Variants in SNX6 observed in about 807,000 individuals in gnomAD.
SNX6 encodes sorting nexin 6, also known as sorting nexin-6.
In SNX6, 34 loss-of-function variants were observed where a neutral mutation model predicts 63.0. The ratio of observed to expected loss-of-function variants is 0.54; its 90% CI spans 0.41 to 0.72. The LOEUF (loss-of-function observed/expected upper bound fraction) is 0.72. SNX6 is among the 30% of genes least tolerant of loss of function. The probability of loss-of-function intolerance (pLI) is 0.00; values close to 1 mark genes in which losing one functional copy is unlikely to be tolerated. For missense variants in SNX6, 398 were observed against 471.4 expected (o/e 0.84, Z 1.44); for synonymous variants, 170 against 164.2 (o/e 1.04, Z -0.27).
intron 5 of SNX6, chr14:34,604,214 T>G (rs1239614668): frequency 7.8e-7 from 1 of 1,288,844 alleles, no homozygotes; most frequent in Non-Finnish European, 1.0e-6. Flanking sequence ...AAAAGAAGGA[T>G]GCAGAGGATG....
chr14:34,584,472 G>A (rs1453576615), intron 9 of SNX6, among the ~76,000 whole-genome samples: 1 of 149,246 alleles, frequency 6.7e-6, no homozygotes, highest in East Asian at 2.1e-4. Context: ...TAATTTTTGT[G>A]TTTTTAGAGA....
At chr14:34,581,475 A>G in intron 10 of SNX6, 86 bp downstream of exon 10, 5 of 791,566 alleles carry the variant, frequency 6.3e-6, no homozygotes, top group Non-Finnish European at 1.0e-5. Flanking sequence ...TTTTAAAAAA[A>G]TTTTCTGAAT....
chr14:34,607,492 C>T (rs71419997), intron 4 of SNX6, among the ~76,000 whole-genome samples: 14 of 151,672 alleles, frequency 9.2e-5, no homozygotes, highest in Non-Finnish European at 2.1e-4. Flanking sequence ...TGCCTGTAAT[C>T]CCAGCGACTC....
At chr14:34,608,793 C>T (rs144963288) in intron 3 of SNX6, among the ~76,000 whole-genome samples, 83 of 149,254 alleles carry the variant, frequency 5.6e-4, no homozygotes, top group East Asian at 1.5e-3. Flanking sequence ...TTTGGAAGGC[C>T]GAGGTGGGTT....
intron 10 of SNX6, among the ~76,000 whole-genome samples, chr14:34,577,382 C>T (rs1479993499): frequency 6.6e-6 from 1 of 152,122 alleles, no homozygotes; most frequent in African/African-American, 2.4e-5. Context: ...AGCCGCTGTG[C>T]CCAGCCTCTA....
At chr14:34,595,374 T>C (rs1444394476) in intron 7 of SNX6, among the ~76,000 whole-genome samples, 1 of 152,112 alleles carries the variant, frequency 6.6e-6, no homozygotes, top group Non-Finnish European at 1.5e-5. Context: ...TGACCTCAGG[T>C]GATCTGCCTG....
chr14:34,624,046 A>G (rs1809380233), intron 2 of SNX6, among the ~76,000 whole-genome samples: 1 of 152,180 alleles, frequency 6.6e-6, no homozygotes, highest in African/African-American at 2.4e-5. Flanking sequence ...AATGTGGCCA[A>G]TATTTTTCAA....
chr14:34,566,686 T>C (rs1434797574), intron 13 of SNX6, among the ~76,000 whole-genome samples: 1 of 152,186 alleles, frequency 6.6e-6, no homozygotes, highest in African/African-American at 2.4e-5. Flanking sequence ...ATTCTAAGAT[T>C]CTCTATTCTT....
intron 2 of SNX6, among the ~76,000 whole-genome samples, chr14:34,615,608 C>T (rs10431614): frequency 0.64 from 96,652 of 152,124 alleles, 31,121 homozygotes; most frequent in East Asian, 0.91. Flanking sequence ...CATTTGTCTT[C>T]TCCTTTTCTT....
At chr14:34,583,368 T>A (rs1882019939) in intron 9 of SNX6, among the ~76,000 whole-genome samples, 3 of 152,110 alleles carry the variant, frequency 2.0e-5, no homozygotes, top group Admixed American at 2.0e-4. Flanking sequence ...GTATCAGCAT[T>A]TGACAGATAA....
chr14:34,575,899 G>A, intron 10 of SNX6, 57 bp from the exon 11 acceptor site: 1 of 999,810 alleles, frequency 1.0e-6, no homozygotes, highest in Non-Finnish European at 1.5e-6. Flanking sequence ...CCTCTCAGTG[G>A]TTTCCTTCTT....
At chr14:34,624,735 G>T (rs2138391656) in intron 2 of SNX6, among the ~76,000 whole-genome samples, 1 of 151,956 alleles carries the variant, frequency 6.6e-6, no homozygotes. Flanking sequence ...GCCAGAGGTT[G>T]CAGTGAGTCA....
At chr14:34,621,044 G>A (rs1312312827) in intron 2 of SNX6, among the ~76,000 whole-genome samples, 1 of 152,166 alleles carries the variant, frequency 6.6e-6, no homozygotes, top group East Asian at 1.9e-4. Flanking sequence ...AAACTCCTGT[G>A]ATCAAGCAAT....
At chr14:34,598,416 T>C (rs571636164) in intron 6 of SNX6, among the ~76,000 whole-genome samples, 1 of 152,322 alleles carries the variant, frequency 6.6e-6, no homozygotes, top group South Asian at 2.1e-4. Flanking sequence ...TTTGAGACAC[T>C]GTCTCCCTCT....
At chr14:34,626,668 C>A (rs1325282689) in intron 2 of SNX6, among the ~76,000 whole-genome samples, 322 of 126,466 alleles carry the variant, frequency 2.5e-3, no homozygotes, top group East Asian at 7.4e-3. Flanking sequence ...GACTCCATTT[C>A]AAAAAAAAAA....
intron 10 of SNX6, among the ~76,000 whole-genome samples, 183 bp from the exon 11 acceptor site, chr14:34,576,025 G>A (rs1041472556): frequency 4.0e-5 from 6 of 151,220 alleles, no homozygotes; most frequent in South Asian, 2.1e-4. Flanking sequence ...CTGGGTTCAC[G>A]CCATTCTCCT....
chr14:34,566,582 C>A (rs1881192552), intron 13 of SNX6, among the ~76,000 whole-genome samples: 1 of 152,156 alleles, frequency 6.6e-6, no homozygotes, highest in Admixed American at 6.6e-5. Context: ...ATACTGGTTT[C>A]CATATTAGGT....
chr14:34,603,533 A>T, intron 5 of SNX6, 62 bp from the exon 6 acceptor site: 2 of 1,393,232 alleles, frequency 1.4e-6, no homozygotes, highest in East Asian at 2.5e-5. Flanking sequence ...CACCTGCAAC[A>T]ATTTTTTTCA....
chr14:34,630,075 G>T, intron 1 of SNX6, 36 bp downstream of exon 1: 1 of 1,455,624 alleles, frequency 6.9e-7, no homozygotes, highest in East Asian at 2.9e-5. Flanking sequence ...TGCCCCCACC[G>T]CGCTCCCGGG....
Sources: gnomAD v4.1 joint callset for allele counts (sites outside exome capture counted in the v4.1 genomes callset) on GRCh38, gnomAD v4.1.1 for gene constraint, MANE v1.5 for transcripts, NCBI Gene and HGNC (gene_info 2026-07-23, HGNC 2026-07-21) for gene names.